Variants in ZNF8 observed in about 807,000 individuals in gnomAD.
The protein encoded by ZNF8 is zinc finger protein 8.
ZNF8 carries 9 observed loss-of-function variants against 12.2 expected under a neutral mutation model. That is an observed-to-expected ratio of 0.73 (90% CI 0.44 to 1.28). The LOEUF (loss-of-function observed/expected upper bound fraction) is 1.28. ZNF8 is among the 50% of genes most tolerant of loss of function. The pLI is 0.00. For synonymous variants in ZNF8, 274 were observed against 282.3 expected, an observed-to-expected ratio of 0.97 and a Z score of 0.30; for missense variants, 664 against 729.1, an observed-to-expected ratio of 0.91 and a Z score of 1.03.
intron 3 of ZNF8, among the ~76,000 whole-genome samples, chr19:58,288,729 A>C (rs2147957421): frequency 6.6e-6 from 1 of 152,162 alleles, no homozygotes; most frequent in East Asian, 1.9e-4. Flanking sequence ...CTCCCACCCA[A>C]ATACTTCTGA....
At chr19:58,279,305 T>G in intron 1 of ZNF8, 158 bp downstream of exon 1, 1 of 1,509,362 alleles carries the variant, frequency 6.6e-7, no homozygotes, top group Non-Finnish European at 8.8e-7. Context: ...GTGACCGTCC[T>G]GGCTGGTCAG....
In ZNF8 at chr19:58,298,197, T is replaced by C. The variant is rs2051468182; in HGVS notation, c.*2661T>C. Reference sequence around the variant, plus strand: ...GGTGTGCGCCATCTTGCCCAGCTACTTTTTTGTATTTTTAGTAGAGATGGG... The same window carrying C: ...GGTGTGCGCCATCTTGCCCAGCTACCTTTTTGTATTTTTAGTAGAGATGGG... On this transcript the variant is annotated 3_prime_UTR_variant, in exon 4 of 4. Coordinates refer to ENST00000621650, the MANE Select transcript of ZNF8 (RefSeq NM_021089.3). The C allele has an allele frequency of 6.6e-6, 1 of 151,642 alleles. No individual in the cohort carries two copies. The allele number at this position is 151,642 out of a possible 1,614,324, so 9.4% of individuals were successfully genotyped here. A position where few individuals can be genotyped will look rare whatever the true frequency, so the allele number is the denominator to read the frequency against.
chr19:58,289,072 T>C (rs2051401718), intron 3 of ZNF8, among the ~76,000 whole-genome samples: 1 of 152,170 alleles, frequency 6.6e-6, no homozygotes, highest in East Asian at 1.9e-4. Context: ...ACCTAGACAG[T>C]TATAAATACT....
rs2051414521 is a variant in ZNF8, at chr19:58,290,747, C to T, written c.290-3351C>T. Among the ~76,000 whole-genome samples, 3 of 151,832 alleles carry T rather than the reference C, an allele frequency of 2.0e-5. No individual in the cohort carries two copies. In the South Asian group the frequency reaches 6.3e-4, roughly 32 times the overall value. On this transcript the variant is annotated intron_variant, in intron 3 of 3. Transcript: ENST00000621650. ...CTGCACTCCAGGCTGAGCAACAGAG[C>T]ATTAAAAAATAAAGGAAAAGAGGCC...
At chr19:58,279,663 G>T (rs1209223596) in intron 1 of ZNF8, 1 of 1,533,310 alleles carries the variant, frequency 6.5e-7, no homozygotes, top group Admixed American at 2.0e-5. Context: ...GGGTCACCAC[G>T]CACTGAGTGT....
intron 1 of ZNF8, chr19:58,279,433 C>G (rs2051330586): frequency 9.6e-6 from 14 of 1,451,046 alleles, no homozygotes; most frequent in Non-Finnish European, 1.3e-5. Context: ...GGCCCATCTC[C>G]TGCGTTCTGC....
intron 1 of ZNF8, chr19:58,279,885 TTTA>T (rs368590489): frequency 0.061 from 51,622 of 844,344 alleles, 59 homozygotes; most frequent in Middle Eastern, 0.073. Context: ...TATACTTTTT[TTTA>T]TTTTTTGTCG....
chr19:58,300,317 A>G lies in ZNF8; in HGVS notation c.*4781A>G, dbSNP rs1368769248. The G allele has an allele frequency of 6.6e-6, 1 of 152,250 alleles. No individual in the cohort carries two copies. Among genetic ancestry groups the G allele is most frequent in the South Asian group, 2.1e-4 (1 of 4,832 alleles). The allele number at this position is 152,250 out of a possible 1,614,324, so 9.4% of individuals were successfully genotyped here. ...TGTGTCACAGTCGATGTTTTCTGCAATCTCTCAACCTTTCCATTGTGGTCA... is the reference window on the plus strand; with the variant it reads ...TGTGTCACAGTCGATGTTTTCTGCAGTCTCTCAACCTTTCCATTGTGGTCA... On this transcript the variant is annotated 3_prime_UTR_variant, in exon 4 of 4. Transcript: ENST00000621650.
chr19:58,298,819 T>C lies in ZNF8; in HGVS notation c.*3283T>C, dbSNP rs1166614631. The C allele has an allele frequency of 6.7e-6, 1 of 149,966 alleles. No homozygotes were observed. The highest frequency in any genetic ancestry group is 2.5e-5 in the African/African-American group (1 of 40,294). 9.3% of individuals were successfully genotyped at this position (149,966 alleles called of 1,614,324 possible). ...ATCTAAACAAGATCCACACAGTGCA[T>C]TTGGTTGGAATTTTTCTTTTTTCTT... On this transcript the variant is annotated 3_prime_UTR_variant, in exon 4 of 4. Coordinates refer to ENST00000621650, the MANE Select transcript of ZNF8 (RefSeq NM_021089.3).
Position 58,285,821 on chromosome 19 carries a change from C to A in ZNF8, c.171C>A (p.Thr57=). The A allele has an allele frequency of 6.2e-7, 1 of 1,612,978 alleles. No individual in the cohort carries two copies. Among genetic ancestry groups the A allele is most frequent in the Non-Finnish European group, 8.5e-7 (1 of 1,179,362 alleles). ...RILYRDVMLE[T]FGHLLSIGPE... ...TCTACCGTGACGTGATGCTGGAGACCTTTGGTCACCTGCTCTCCATAGGTA... is the reference window on the plus strand; with the variant it reads ...TCTACCGTGACGTGATGCTGGAGACATTTGGTCACCTGCTCTCCATAGGTA... Residue 57 remains threonine (T), a synonymous_variant, in exon 2 of 4, where the codon ACC becomes ACA. Transcript: ENST00000621650.
At chr19:58,285,447 T>A (rs1348211882) in intron 1 of ZNF8, among the ~76,000 whole-genome samples, 1 of 152,220 alleles carries the variant, frequency 6.6e-6, no homozygotes. Context: ...TAGGCCAGTC[T>A]CTGCTGGTAC....
At chr19:58,293,314 C>T (rs930495403) in intron 3 of ZNF8, among the ~76,000 whole-genome samples, 1 of 152,182 alleles carries the variant, frequency 6.6e-6, no homozygotes, top group Admixed American at 6.5e-5. Flanking sequence ...CCTCCATTAT[C>T]TCTCCCGTTG....
intron 2 of ZNF8, 130 bp downstream of exon 2, chr19:58,285,973 T>A: frequency 7.0e-7 from 1 of 1,437,148 alleles, no homozygotes; most frequent in Non-Finnish European, 9.5e-7. Flanking sequence ...GGTCTGCCCT[T>A]TTCCATCACC....
rs879532036 is a variant in ZNF8 at position 58,289,802 on chromosome 19, C to CT, written c.289+3610dup. Among the ~76,000 whole-genome samples the CT allele has an allele frequency of 4.6e-3, 672 of 144,774 alleles. 3 individuals carry two copies. The highest frequency in any genetic ancestry group is 0.04 in the Middle Eastern group (11 of 278). 95.0% of individuals were successfully genotyped at this position (144,774 alleles called of 152,430 possible). On this transcript the variant is annotated intron_variant, in intron 3 of 3. Transcript: ENST00000621650. ...CAGGATAATCTCCCATTTCAAGATT[C>CT]TTTTTTTTTTTTTGAGACAGAGTCT...
chr19:58,283,968 T>G (rs551619937), intron 1 of ZNF8, among the ~76,000 whole-genome samples: 1 of 152,124 alleles, frequency 6.6e-6, no homozygotes, highest in African/African-American at 2.4e-5. Flanking sequence ...TCTTTATAAA[T>G]TACTTCGTCC....
chr19:58,286,219 A>G lies in ZNF8; in HGVS notation c.289+14A>G, dbSNP rs778567292. ...GCTGCCATCCAGGTGAGAACCCACT[A>G]TGTGGGAGCAGCTAATGGGAGCAGC... On this transcript the variant is annotated intron_variant, in intron 3 of 3. Transcript: ENST00000621650. 54 of 1,401,876 alleles carry G rather than the reference A, an allele frequency of 3.9e-5. 1 individual carries two copies. The Admixed American group carries it at 9.0e-4, about 23-fold the overall frequency. The allele number at this position is 1,401,876 out of a possible 1,614,324, so 86.8% of individuals were successfully genotyped here.
In ZNF8 at chr19:58,295,582, G is replaced by A. The variant is rs1487798979; in HGVS notation, c.*46G>A. 2.7e-6 allele frequency: 4 copies of A among 1,480,964 alleles called. No homozygotes were observed. The highest frequency in any genetic ancestry group is 3.7e-6 in the Non-Finnish European group (4 of 1,087,936). The allele number at this position is 1,480,964 out of a possible 1,614,324, so 91.7% of individuals were successfully genotyped here. A position where few individuals can be genotyped will look rare whatever the true frequency, so the allele number is the denominator to read the frequency against. The stretch of plus-strand genomic sequence containing the variant: ...CTTTTAACCACAAGTAAAAAATGTG[G>A]TAAGTCCACATAGTGTACTCATGGA... On this transcript the variant is annotated 3_prime_UTR_variant, in exon 4 of 4. Coordinates refer to ENST00000621650, the MANE Select transcript of ZNF8 (RefSeq NM_021089.3).
chr19:58,300,252 A>T lies in ZNF8; in HGVS notation c.*4716A>T, dbSNP rs1272840764. 6.6e-6 allele frequency: 1 copy of T among 152,226 alleles called. No homozygotes were observed. The highest frequency in any genetic ancestry group is 1.5e-5 in the Non-Finnish European group (1 of 68,042). 9.4% of individuals were successfully genotyped at this position (152,226 alleles called of 1,614,324 possible). On this transcript the variant is annotated 3_prime_UTR_variant, in exon 4 of 4. Coordinates refer to ENST00000621650, the MANE Select transcript of ZNF8 (RefSeq NM_021089.3). The stretch of plus-strand genomic sequence containing the variant: ...ACCCAGCTGACCATGGCTTAAACAG[A>T]TGAGGCTTTGTTCAAAGGCTGTCTT...
chr19:58,286,519 G>A (rs2051384567), intron 3 of ZNF8: 1 of 259,200 alleles, frequency 3.9e-6, no homozygotes, highest in East Asian at 8.6e-5. Flanking sequence ...CTCTACCAGG[G>A]AATCTTGTTA....
Sources: allele counts gnomAD v4.1 joint callset (sites outside exome capture counted in the v4.1 genomes callset), GRCh38; gene constraint gnomAD v4.1.1; transcripts MANE v1.5; gene names NCBI Gene and HGNC (gene_info 2026-07-23, HGNC 2026-07-21).